The following WNT7B variants were observed in gnomAD, a reference collection of about 807,000 sequenced individuals.
WNT7B encodes protein Wnt-7b.
In WNT7B, 19 loss-of-function variants were observed where a neutral mutation model predicts 38.2. The ratio of observed to expected loss-of-function variants is 0.50; its 90% CI spans 0.35 to 0.73. The LOEUF is 0.73. Ranked by LOEUF, WNT7B falls within the 30% of genes least tolerant of loss-of-function variation. The probability of loss-of-function intolerance (pLI) is 0.01; values close to 1 mark genes in which losing one functional copy is unlikely to be tolerated. For missense variants in WNT7B, 423 were observed against 507.9 expected, an observed-to-expected ratio of 0.83 and a Z score of 1.61; for synonymous variants, 243 against 209.3, an observed-to-expected ratio of 1.16 and a Z score of -1.39.
chr22:45,927,345 G>A, intron 3 of WNT7B: 1 of 1,470,724 alleles, frequency 6.8e-7, no homozygotes, highest in South Asian at 1.4e-5. Context: ...CCTTGGTCTG[G>A]TAGAAGTGGG....
At chr22:45,935,927 T>G in intron 2 of WNT7B, 2 of 985,112 alleles carry the variant, frequency 2.0e-6, no homozygotes, top group Non-Finnish European at 2.4e-6. Flanking sequence ...GCAGCTGTCC[T>G]GCTGGTACAC....
intron 1 of WNT7B, chr22:45,972,296 G>C: frequency 1.8e-6 from 1 of 546,542 alleles, no homozygotes; most frequent in Non-Finnish European, 3.3e-6. Flanking sequence ...GCCTGGGCCA[G>C]CTGAGGCCGG....
intron 3 of WNT7B, chr22:45,925,607 T>A (rs1931059136): frequency 1.0e-6 from 1 of 984,878 alleles, no homozygotes; most frequent in African/African-American, 1.8e-5. Context: ...TCACCCCAGC[T>A]CCCTGTTCAT....
At chr22:45,960,838 C>T (rs961831830) in intron 1 of WNT7B, among the ~76,000 whole-genome samples, 12 of 152,232 alleles carry the variant, frequency 7.9e-5, no homozygotes, top group Non-Finnish European at 1.3e-4. Context: ...AGGGTTGGCC[C>T]GGAACTTTCC....
chr22:45,924,936 G>T (rs1465935020), intron 3 of WNT7B, among the ~76,000 whole-genome samples: 1 of 149,024 alleles, frequency 6.7e-6, no homozygotes, highest in African/African-American at 2.5e-5. Context: ...TGCTGGGTGG[G>T]CCTGAAGGCT....
At position 45,951,007 on chromosome 22, in the gene WNT7B, G is replaced by A. The variant is rs536461902; in HGVS notation, c.72-861C>T. Among the ~76,000 whole-genome samples, 2 of 152,224 alleles carry A rather than the reference G, an allele frequency of 1.3e-5. No individual in the cohort carries two copies. The highest frequency in any genetic ancestry group is 4.8e-5 in the African/African-American group (2 of 41,462). On this transcript the variant is annotated intron_variant, in intron 1 of 3. Transcript: ENST00000339464. The surrounding 1 kb of genome is among the most constrained non-coding windows in gnomAD (Gnocchi z 4.8). ...GCAACTCTCAGGACCTGAAGCCCTAGACAAGAACCCGCAGGTCACGCTCAC... is the reference window on the plus strand; with the variant it reads ...GCAACTCTCAGGACCTGAAGCCCTAAACAAGAACCCGCAGGTCACGCTCAC...
chr22:45,973,154 T>A (rs1230221061), intron 1 of WNT7B, among the ~76,000 whole-genome samples: 3 of 152,232 alleles, frequency 2.0e-5, no homozygotes, highest in Non-Finnish European at 4.4e-5. Context: ...GGCTTCCCCA[T>A]CCTGCTTCTT....
Position 45,966,109 on chromosome 22 carries a change from T to C in WNT7B, c.71+10575A>G, listed in dbSNP as rs1264932459. Among the ~76,000 whole-genome samples, 3 of 152,084 alleles carry C rather than the reference T, an allele frequency of 2.0e-5. No individual in the cohort carries two copies. Among genetic ancestry groups the C allele is most frequent in the Non-Finnish European group, 4.4e-5 (3 of 68,012 alleles). ...TCTGGCAGCCCGAGGGGGACACAGA[T>C]TCCAAAGCAGACCCTGGGCACTGTG... On this transcript the variant is annotated intron_variant, in intron 1 of 3. Coordinates refer to ENST00000339464, the MANE Select transcript of WNT7B (RefSeq NM_058238.3). This position sits in a 1 kb window ranked among gnomAD's most constrained non-coding sequence, Gnocchi z 4.2.
chr22:45,926,536 C>G (rs1257762524), intron 3 of WNT7B: 1 of 985,300 alleles, frequency 1.0e-6, no homozygotes, highest in Admixed American at 6.1e-5. Flanking sequence ...AAAGTCCTTC[C>G]AGGGCGAGAC....
chr22:45,974,772 C>T (rs372267135), intron 1 of WNT7B, among the ~76,000 whole-genome samples: 2 of 152,070 alleles, frequency 1.3e-5, no homozygotes, highest in Admixed American at 6.5e-5. Context: ...CACGGAGGCC[C>T]GGTGGGGTCT....
chr22:45,942,102 T>C (rs1451493909), intron 2 of WNT7B, among the ~76,000 whole-genome samples: 5 of 152,132 alleles, frequency 3.3e-5, no homozygotes, highest in Admixed American at 3.3e-4. Flanking sequence ...TGGGGAGTAC[T>C]GTCCCCGCCT....
Position 45,922,546 on chromosome 22 carries a change from T to G in WNT7B, c.*310A>C. ...GATACAGGTGTGTCCTGGACGTTCATTTTCCCAGAGAGAAGAAAGAGAACT... is the reference window on the plus strand; with the variant it reads ...GATACAGGTGTGTCCTGGACGTTCAGTTTCCCAGAGAGAAGAAAGAGAACT... On this transcript the variant is annotated 3_prime_UTR_variant, in exon 4 of 4. Coordinates refer to ENST00000339464, the MANE Select transcript of WNT7B (RefSeq NM_058238.3). 2.6e-6 allele frequency: 1 copy of G among 387,640 alleles called. No homozygotes were observed. The highest frequency in any genetic ancestry group is 4.5e-5 in the East Asian group (1 of 22,130). The allele number at this position is 387,640 out of a possible 1,614,324, so 24.0% of individuals were successfully genotyped here.
rs149124134 is a variant in WNT7B at position 45,926,085 on chromosome 22, G to T, written c.571-2750C>A. 10 of 985,404 alleles carry T rather than the reference G, an allele frequency of 1.0e-5. No individual in the cohort carries two copies. The South Asian group carries it at 2.8e-4, about 28-fold the overall frequency. 61.0% of individuals were successfully genotyped at this position (985,404 alleles called of 1,614,324 possible). A position where few individuals can be genotyped will look rare whatever the true frequency, so the allele number is the denominator to read the frequency against. On this transcript the variant is annotated intron_variant, in intron 3 of 3. Transcript: ENST00000339464. ...CGCAGGGCCAGGCCCGTGACCATCC[G>T]CAAATAAAGCCTACTGGGCCGCTGC...
chr22:45,958,851 C>T (rs1393056931), intron 1 of WNT7B, among the ~76,000 whole-genome samples: 2 of 152,182 alleles, frequency 1.3e-5, no homozygotes. Flanking sequence ...AAGTCAGGGG[C>T]AGGAGGCTGC....
At chr22:45,957,591 G>A (rs1230021939) in intron 1 of WNT7B, among the ~76,000 whole-genome samples, 1 of 139,876 alleles carries the variant, frequency 7.1e-6, no homozygotes, top group African/African-American at 2.7e-5. Flanking sequence ...GGCTGAGGAA[G>A]GAGAATTGCT....
intron 2 of WNT7B, among the ~76,000 whole-genome samples, chr22:45,942,792 G>A (rs9330794): frequency 0.25 from 37,458 of 152,020 alleles, 5,023 homozygotes; most frequent in South Asian, 0.41. Context: ...AATATTACCC[G>A]TCTCCAAGCA....
chr22:45,925,063 C>T, intron 3 of WNT7B: 5 of 980,686 alleles, frequency 5.1e-6, no homozygotes, highest in Non-Finnish European at 6.0e-6. Context: ...GCTGGGTGGG[C>T]CCTAGGCTGG....
chr22:45,959,056 C>G (rs77187605), intron 1 of WNT7B, among the ~76,000 whole-genome samples: 2,154 of 152,342 alleles, frequency 0.014, 54 homozygotes, highest in African/African-American at 0.049. Flanking sequence ...TATGCTGGGC[C>G]TGGTGCAAGG....
intron 3 of WNT7B, chr22:45,926,262 C>A (rs890264217): frequency 3.0e-6 from 3 of 985,406 alleles, no homozygotes; most frequent in Non-Finnish European, 2.4e-6. Context: ...GCACTGAGAC[C>A]GGCCCCCTGC....
Sources: gnomAD v4.1 joint callset for allele counts (sites outside exome capture counted in the v4.1 genomes callset) on GRCh38, gnomAD v4.1.1 for gene constraint, Gnocchi (gnomAD v3.1) non-coding constraint, MANE v1.5 for transcripts, NCBI Gene and HGNC (gene_info 2026-07-23, HGNC 2026-07-21) for gene names.